Variants in CTNND2 observed in about 807,000 individuals in gnomAD.
CTNND2 encodes catenin delta-2.
Under a neutral mutation model 144.4 loss-of-function variants are expected in CTNND2, and 22 were observed. The observed-to-expected ratio is 0.15, with a 90% confidence interval of 0.11 to 0.22. CTNND2 has a LOEUF of 0.22. CTNND2 is among the 10% of genes least tolerant of loss of function. The pLI, the probability that CTNND2 is intolerant of heterozygous loss-of-function variation, is 1.00. For missense variants in CTNND2, 1,353 were observed against 1,618.8 expected (o/e 0.84, Z 2.82); for synonymous variants, 751 against 695.6 (o/e 1.08, Z -1.25).
chr5:11,803,964 G>T (rs893042736), intron 1 of CTNND2, among the ~76,000 whole-genome samples: 25 of 151,954 alleles, frequency 1.6e-4, no homozygotes, highest in Admixed American at 7.9e-4. Flanking sequence ...AACCAAGTCA[G>T]TTAAAAATCT....
chr5:11,754,480 C>A (rs1423448920), intron 1 of CTNND2, among the ~76,000 whole-genome samples: 1 of 151,310 alleles, frequency 6.6e-6, no homozygotes, highest in Non-Finnish European at 1.5e-5. Context: ...TAGATCTATT[C>A]GGTCAAGTGT....
chr5:11,422,166 T>A (rs1411578211), intron 3 of CTNND2, among the ~76,000 whole-genome samples: 1 of 152,142 alleles, frequency 6.6e-6, no homozygotes, highest in African/African-American at 2.4e-5. Flanking sequence ...GACCAATACA[T>A]ATTATCAAAA....
At chr5:11,319,023 C>T (rs1254789273) in intron 9 of CTNND2, among the ~76,000 whole-genome samples, 1 of 152,058 alleles carries the variant, frequency 6.6e-6, no homozygotes, top group East Asian at 1.9e-4. Context: ...CTCTACACAG[C>T]AATTGTTAAC....
Position 11,753,506 on chromosome 5 carries a change from T to C in CTNND2, c.38-21234A>G, listed in dbSNP as rs575811178. On this transcript the variant is annotated intron_variant, in intron 1 of 21. Transcript: ENST00000304623. ...TTGCAAATGTTGAAACAAACCTGCA[T>C]CCAGGAATAAAGCCTACCTCATCAT... is the stretch of plus-strand genomic sequence containing the variant. Among the ~76,000 whole-genome samples, 4 of 151,834 alleles carry C rather than the reference T, an allele frequency of 2.6e-5. No homozygotes were observed. In the South Asian group the frequency reaches 8.3e-4, roughly 31 times the overall value.
At chr5:11,702,420 G>T (rs1373778108) in intron 2 of CTNND2, among the ~76,000 whole-genome samples, 2 of 152,174 alleles carry the variant, frequency 1.3e-5, no homozygotes, top group Non-Finnish European at 2.9e-5. Flanking sequence ...AATACATGAA[G>T]GAGGTGCTCA....
chr5:11,166,249 CTTTTT>C (rs11400471), intron 11 of CTNND2, among the ~76,000 whole-genome samples: 1 of 125,872 alleles, frequency 7.9e-6, no homozygotes. Context: ...CAAAAAAGTT[CTTTTT>C]TTTTTTTTTT....
chr5:11,023,630 G>C (rs1359256398), intron 16 of CTNND2, among the ~76,000 whole-genome samples: 1 of 152,186 alleles, frequency 6.6e-6, no homozygotes, highest in Non-Finnish European at 1.5e-5. Context: ...ACCTGATGCT[G>C]TTTGTCTCTC....
At chr5:11,900,593 C>T (rs540626145) in intron 1 of CTNND2, among the ~76,000 whole-genome samples, 112 of 152,286 alleles carry the variant, frequency 7.4e-4, no homozygotes, top group African/African-American at 1.8e-3. Flanking sequence ...AATCAGATAA[C>T]TTGAAGCTAG....
At chr5:11,553,583 T>C (rs560234404) in intron 3 of CTNND2, among the ~76,000 whole-genome samples, 48 of 152,264 alleles carry the variant, frequency 3.2e-4, no homozygotes, top group African/African-American at 1.1e-3. Flanking sequence ...AAAAGATAAA[T>C]TATGACTATA....
intron 16 of CTNND2, among the ~76,000 whole-genome samples, chr5:11,080,910 C>T (rs2191017): frequency 0.77 from 116,503 of 152,080 alleles, 45,646 homozygotes; most frequent in African/African-American, 0.93. Flanking sequence ...GCCCCACCTC[C>T]ACTAAAAAAT....
At chr5:11,120,469 AC>A in intron 12 of CTNND2, among the ~76,000 whole-genome samples, 2 of 150,422 alleles carry the variant, frequency 1.3e-5, no homozygotes, top group African/African-American at 2.4e-5. Context: ...ATACATATAG[AC>A]TTCAAGAGGG....
At chr5:11,123,491 C>T (rs768423835) in intron 12 of CTNND2, among the ~76,000 whole-genome samples, 1 of 152,172 alleles carries the variant, frequency 6.6e-6, no homozygotes, top group Non-Finnish European at 1.5e-5. Flanking sequence ...TCAGGACTGC[C>T]CCCACCACAA....
intron 16 of CTNND2, among the ~76,000 whole-genome samples, chr5:11,079,789 G>A (rs1019349961): frequency 3.3e-5 from 5 of 152,244 alleles, no homozygotes; most frequent in African/African-American, 1.2e-4. Flanking sequence ...TCCACATATG[G>A]AAGAATGAAA....
chr5:11,688,121 A>G (rs958069096), intron 2 of CTNND2, among the ~76,000 whole-genome samples: 5 of 152,132 alleles, frequency 3.3e-5, no homozygotes, highest in Non-Finnish European at 7.4e-5. Flanking sequence ...GCTTTTACTG[A>G]GTGAAGTGGA....
chr5:11,725,114 G>A (rs377220513), intron 2 of CTNND2, among the ~76,000 whole-genome samples: 2 of 152,290 alleles, frequency 1.3e-5, no homozygotes, highest in South Asian at 2.1e-4. Flanking sequence ...TTGCACGTGC[G>A]TTTTATGATT....
At chr5:11,471,439 C>T (rs1359075859) in intron 3 of CTNND2, among the ~76,000 whole-genome samples, 1 of 152,020 alleles carries the variant, frequency 6.6e-6, no homozygotes, top group Non-Finnish European at 1.5e-5. Context: ...CAAAGAGAAT[C>T]AAGGACTGAT....
intron 16 of CTNND2, among the ~76,000 whole-genome samples, chr5:11,034,670 AGCCTT>A (rs1743870122): frequency 6.6e-6 from 1 of 152,184 alleles, no homozygotes; most frequent in Non-Finnish European, 1.5e-5. Flanking sequence ...ACTGTCTCCT[AGCCTT>A]CTCTATGTCT....
At chr5:11,615,284 C>T (rs1305295160) in intron 2 of CTNND2, among the ~76,000 whole-genome samples, 1 of 151,980 alleles carries the variant, frequency 6.6e-6, no homozygotes, top group African/African-American at 2.4e-5. Context: ...ATAACTGAAA[C>T]CATGAAAAAC....
chr5:11,646,808 A>G (rs540629010), intron 2 of CTNND2, among the ~76,000 whole-genome samples: 1 of 152,288 alleles, frequency 6.6e-6, no homozygotes, highest in African/African-American at 2.4e-5. Flanking sequence ...ACGTCTGCAG[A>G]TCGTGAGTTT....
Sources: allele counts gnomAD v4.1 joint callset (sites outside exome capture counted in the v4.1 genomes callset), GRCh38; gene constraint gnomAD v4.1.1; transcripts MANE v1.5; gene names NCBI Gene and HGNC (gene_info 2026-07-23, HGNC 2026-07-21).